GPHN: variants seen among roughly 807,000 people sequenced by gnomAD.
GPHN encodes the protein gephyrin.
A neutral mutation model predicts 95.5 loss-of-function variants in GPHN; 17 were observed. The ratio of observed to expected loss-of-function variants is 0.18; its 90% confidence interval spans 0.12 to 0.27. GPHN has a LOEUF of 0.27. Among genes scored for constraint, GPHN ranks in the 10% least tolerant of loss-of-function variants. GPHN has a pLI of 1.00. For missense variants in GPHN, 660 were observed against 978.1 expected, an observed-to-expected ratio of 0.67 and a Z score of 4.34; for synonymous variants, 320 against 322.5, an observed-to-expected ratio of 0.99 and a Z score of 0.08.
the GPHN span, among the ~76,000 whole-genome samples, chr14:67,453,330 T>C: frequency 6.6e-6 from 1 of 152,210 alleles, no homozygotes; most frequent in South Asian, 2.1e-4. Context: ...AGGAAGGCCC[T>C]GAGGGAAGGA....
intron 16 of GPHN, among the ~76,000 whole-genome samples, chr14:67,115,734 C>CAAAAA (rs35393713): frequency 8.1e-6 from 1 of 123,952 alleles, no homozygotes. Flanking sequence ...GACTCCATCT[C>CAAAAA]AAAAAAAAAA....
At chr14:66,814,828 A>C (rs2060900848) in intron 3 of GPHN, among the ~76,000 whole-genome samples, 1 of 152,208 alleles carries the variant, frequency 6.6e-6, no homozygotes, top group Non-Finnish European at 1.5e-5. Context: ...GAAATGACAG[A>C]AATAGAATTC....
chr14:67,400,716 G>C, the GPHN span, among the ~76,000 whole-genome samples: 2 of 152,168 alleles, frequency 1.3e-5, no homozygotes, highest in East Asian at 1.9e-4. Context: ...GGCTGAGCTC[G>C]GTGGTTCACG....
intron 2 of GPHN, among the ~76,000 whole-genome samples, chr14:66,690,526 T>C (rs1292505420): frequency 6.6e-6 from 1 of 152,200 alleles, no homozygotes; most frequent in Non-Finnish European, 1.5e-5. Context: ...ATATTTTCTC[T>C]AAAGGTTTGT....
At chr14:67,430,577 T>C in the GPHN span, among the ~76,000 whole-genome samples, 1 of 152,094 alleles carries the variant, frequency 6.6e-6, no homozygotes, top group East Asian at 1.9e-4. Context: ...GAGTGGAGTG[T>C]CACATCAACT....
the GPHN span, among the ~76,000 whole-genome samples, chr14:67,397,315 T>C: frequency 6.6e-6 from 1 of 152,194 alleles, no homozygotes; most frequent in African/African-American, 2.4e-5. Flanking sequence ...AAAGCCATCA[T>C]AGTGAACCCC....
the GPHN span, chr14:67,586,285 A>G: frequency 2.4e-4 from 256 of 1,087,280 alleles, no homozygotes; most frequent in Non-Finnish European, 2.6e-4. Context: ...TTCAGCTAGT[A>G]GGTAAAGGGA....
the GPHN span, chr14:67,572,348 A>C: frequency 7.7e-7 from 1 of 1,293,976 alleles, no homozygotes; most frequent in South Asian, 1.3e-5. Flanking sequence ...CCTCAGCACA[A>C]GACATAGGCA....
the GPHN span, chr14:67,338,433 C>T: frequency 1.6e-6 from 1 of 608,008 alleles, no homozygotes; most frequent in Non-Finnish European, 2.7e-6. Flanking sequence ...AGATCTCTTT[C>T]ATCCATGATA....
chr14:66,876,981 A>C (rs6573727), intron 4 of GPHN, among the ~76,000 whole-genome samples: 44,882 of 152,026 alleles, frequency 0.3, 10,708 homozygotes, highest in African/African-American at 0.63. Context: ...ACATGGATGC[A>C]TAAATCCTCA....
chr14:67,568,971 G>A, the GPHN span: 7 of 589,240 alleles, frequency 1.2e-5, no homozygotes, highest in African/African-American at 1.1e-4. Flanking sequence ...TTAGAGCAGA[G>A]GAAAATGAGT....
chr14:66,709,941 G>T (rs1410254073), intron 2 of GPHN, among the ~76,000 whole-genome samples: 1 of 151,450 alleles, frequency 6.6e-6, no homozygotes, highest in African/African-American at 2.4e-5. Context: ...AAAAAAAAAA[G>T]AATAGAAGTT....
At chr14:66,805,779 G>A (rs1416150411) in intron 3 of GPHN, among the ~76,000 whole-genome samples, 1 of 152,162 alleles carries the variant, frequency 6.6e-6, no homozygotes, top group Non-Finnish European at 1.5e-5. Context: ...CTCCACTCCT[G>A]TGGCTTTGCA....
At chr14:66,621,131 ATT>A (rs149505173) in intron 1 of GPHN, among the ~76,000 whole-genome samples, 24,295 of 141,242 alleles carry the variant, frequency 0.17, 2,871 homozygotes, top group African/African-American at 0.35. Context: ...AGCCCAGCCA[ATT>A]TTTTTTTTTT....
the GPHN span, chr14:67,302,636 A>T: frequency 1.6e-6 from 2 of 1,231,278 alleles, no homozygotes. Context: ...ACTTTAGAAT[A>T]AAATATTTTT....
rs375966315 is a variant in GPHN at position 66,977,440 on chromosome 14, A to C, written c.963+12115A>C. Reference sequence around the variant, plus strand: ...AGCGAGACCCCATCTCAAAAAAAAAAAATTATGTTTTAATCAGTCATTTTG... The same window carrying C: ...AGCGAGACCCCATCTCAAAAAAAAACAATTATGTTTTAATCAGTCATTTTG... On this transcript the variant is annotated intron_variant, in intron 9 of 22. Transcript: ENST00000478722. Among the ~76,000 whole-genome samples, 3 of 152,122 alleles carry C rather than the reference A, an allele frequency of 2.0e-5. No homozygotes were observed. In the East Asian group the frequency reaches 5.8e-4, roughly 29 times the overall value.
At chr14:67,279,002 C>G in the GPHN span, 1 of 596,240 alleles carries the variant, frequency 1.7e-6, no homozygotes, top group East Asian at 3.2e-5. Context: ...TTTTTCCCCC[C>G]CATCTTTCCC....
intron 4 of GPHN, among the ~76,000 whole-genome samples, chr14:66,836,051 C>G (rs1168204829): frequency 7.4e-6 from 1 of 136,032 alleles, no homozygotes; most frequent in Non-Finnish European, 1.5e-5. Flanking sequence ...CCATCCCCAT[C>G]AAGCTACCAA....
the GPHN span, among the ~76,000 whole-genome samples, chr14:67,680,884 A>G: frequency 2.6e-4 from 40 of 152,372 alleles, no homozygotes; most frequent in East Asian, 7.1e-3. Flanking sequence ...CTACAATGCT[A>G]TAGTAATCAA....
Sources: gnomAD v4.1 joint callset for allele counts (sites outside exome capture counted in the v4.1 genomes callset) on GRCh38, gnomAD v4.1.1 for gene constraint, MANE v1.5 for transcripts, NCBI Gene and HGNC (gene_info 2026-07-23, HGNC 2026-07-21) for gene names.